TBX4: variants seen among roughly 807,000 people sequenced by gnomAD.
TBX4 encodes T-box transcription factor 4, also known as T-box transcription factor TBX4.
In TBX4, 13 loss-of-function variants were observed where a neutral mutation model predicts 54.6. That is an observed-to-expected ratio of 0.24 (90% CI 0.15 to 0.38). TBX4 has a LOEUF of 0.38. Among genes scored for constraint, TBX4 ranks in the 10% least tolerant of loss-of-function variants. TBX4 has a pLI of 1.00. For missense variants in TBX4, 631 were observed against 728.5 expected, an observed-to-expected ratio of 0.87 and a Z score of 1.54; for synonymous variants, 314 against 306.7, an observed-to-expected ratio of 1.02 and a Z score of -0.25.
chr17:61,456,797 A>G (rs1297150437), intron 2 of TBX4, 121 bp downstream of exon 2: 9 of 761,758 alleles, frequency 1.2e-5, no homozygotes, highest in Non-Finnish European at 1.6e-5. Flanking sequence ...GGCTGCATTC[A>G]GGACGGTCTG....
In TBX4 at chr17:61,483,918, G is replaced by A. The variant is rs1007657614; in HGVS notation, c.*402G>A. On this transcript the variant is annotated 3_prime_UTR_variant, in exon 9 of 9. Transcript: ENST00000644296. The surrounding 1 kb of genome is among the most constrained non-coding windows in gnomAD (Gnocchi z 6.6). ...CCCATGGGGAAAGATTCTCACTGCT[G>A]GGGTGGGAAGATTCTCGCTGCTGGG... 2 of 263,926 alleles carry A rather than the reference G, an allele frequency of 7.6e-6. No individual in the cohort carries two copies. The highest frequency in any genetic ancestry group is 1.5e-5 in the Non-Finnish European group (2 of 134,124). The allele number at this position is 263,926 out of a possible 1,614,324, so 16.3% of individuals were successfully genotyped here.
In TBX4 at chr17:61,479,689, T is replaced by C. The variant is rs1029770104; in HGVS notation, c.703-192T>C. ...GCCCCAGTTCTGCCTGTGCCTGGGG[T>C]TGGGGAGGAGGGAAGGCCAGAGGCC... On this transcript the variant is annotated intron_variant, in intron 6 of 8. Coordinates refer to ENST00000644296, the MANE Select transcript of TBX4 (RefSeq NM_001321120.2). The surrounding 1 kb of genome is among the most constrained non-coding windows in gnomAD (Gnocchi z 6.1). 2.7e-5 allele frequency among the ~76,000 whole-genome samples: 4 copies of C among 150,914 alleles called. No individual in the cohort carries two copies. The highest frequency in any genetic ancestry group is 4.9e-5 in the African/African-American group (2 of 40,966).
intron 5 of TBX4, among the ~76,000 whole-genome samples, chr17:61,468,121 T>G (rs1183249929): frequency 6.6e-6 from 1 of 152,226 alleles, no homozygotes; most frequent in African/African-American, 2.4e-5. Flanking sequence ...CACGGATATG[T>G]TCCAAAGCCC....
intron 1 of TBX4, 191 bp from the exon 2 acceptor site, chr17:61,456,297 C>A (rs2060448360): frequency 7.2e-6 from 5 of 691,786 alleles, no homozygotes; most frequent in Non-Finnish European, 1.3e-5. Flanking sequence ...AGGTCCACAG[C>A]CTGAAGGGAG....
intron 3 of TBX4, among the ~76,000 whole-genome samples, chr17:61,463,804 G>A (rs1306763490): frequency 6.6e-6 from 1 of 152,236 alleles, no homozygotes; most frequent in Non-Finnish European, 1.5e-5. Context: ...TTTTGTGGCT[G>A]TTTCTGTGGC....
intron 1 of TBX4, among the ~76,000 whole-genome samples, chr17:61,455,274 C>T (rs982600918): frequency 1.3e-5 from 2 of 152,190 alleles, no homozygotes; most frequent in African/African-American, 4.8e-5. Context: ...GAGGCCTGAG[C>T]CCGGGGATGC....
rs2060479934 is a variant in TBX4 at position 61,459,551 on chromosome 17, T to C, written c.281+1920T>C. On this transcript the variant is annotated intron_variant, in intron 3 of 8. Coordinates refer to ENST00000644296, the MANE Select transcript of TBX4 (RefSeq NM_001321120.2). The surrounding 1 kb of genome is among the most constrained non-coding windows in gnomAD (Gnocchi z 4.8). ...TTGGCATTTTAAACAAAGGGCATTTTTGTTTGTTTGTTTTCCTCAGTAGTG... is the reference window on the plus strand; with the variant it reads ...TTGGCATTTTAAACAAAGGGCATTTCTGTTTGTTTGTTTTCCTCAGTAGTG... Among the ~76,000 whole-genome samples the C allele has an allele frequency of 6.6e-6, 1 of 152,188 alleles. No individual in the cohort carries two copies. Among genetic ancestry groups the C allele is most frequent in the Non-Finnish European group, 1.5e-5 (1 of 68,038 alleles).
intron 5 of TBX4, among the ~76,000 whole-genome samples, chr17:61,468,138 G>A (rs1369584003): frequency 2.0e-5 from 3 of 152,194 alleles, no homozygotes; most frequent in Non-Finnish European, 2.9e-5. Context: ...GCCCCTCTTT[G>A]GTGTGTACCG....
At position 61,483,589 on chromosome 17, in the gene TBX4, CCA is replaced by C. The variant is rs2060682279; in HGVS notation, c.*74_*75del. 3.8e-6 allele frequency: 6 copies of C among 1,572,950 alleles called. No homozygotes were observed. The highest frequency in any genetic ancestry group is 5.2e-6 in the Non-Finnish European group (6 of 1,150,206). ...ACCTCTGTGGGTGGCCTGCACTCTA[CCA>C]AGAAACACAGGAAGGTATTCCAGTG... On this transcript the variant is annotated 3_prime_UTR_variant, in exon 9 of 9. Transcript: ENST00000644296. This position sits in a 1 kb window ranked among gnomAD's most constrained non-coding sequence, Gnocchi z 6.6.
rs2060689222 is a variant in TBX4, at chr17:61,484,529, T to C, written c.*1013T>C. On this transcript the variant is annotated 3_prime_UTR_variant, in exon 9 of 9. Transcript: ENST00000644296. The surrounding 1 kb of genome is among the most constrained non-coding windows in gnomAD (Gnocchi z 4.1). Reference sequence around the variant, plus strand: ...CTGGAGCGAGAAAGGCCAACAGAAATAAAGATAGTTGAAAAAAATTTGTTT... The same window carrying C: ...CTGGAGCGAGAAAGGCCAACAGAAACAAAGATAGTTGAAAAAAATTTGTTT... 1 of 151,934 alleles carries C rather than the reference T, an allele frequency of 6.6e-6. No individual in the cohort carries two copies. The highest frequency in any genetic ancestry group is 1.9e-4 in the East Asian group (1 of 5,184). 9.4% of individuals were successfully genotyped at this position (151,934 alleles called of 1,614,324 possible).
rs770780902 is a variant in TBX4 at position 61,460,989 on chromosome 17, A to T, written c.281+3358A>T. Among the ~76,000 whole-genome samples the T allele has an allele frequency of 1.3e-5, 2 of 152,244 alleles. No individual in the cohort carries two copies. The highest frequency in any genetic ancestry group is 2.4e-5 in the African/African-American group (1 of 41,452). On this transcript the variant is annotated intron_variant, in intron 3 of 8. Transcript: ENST00000644296. The surrounding 1 kb of genome is among the most constrained non-coding windows in gnomAD (Gnocchi z 4.4). ...CGGCTTAATCCGGGGCTTCAAAGCC[A>T]ATTGCCCTCACTCTGTATACAGAGC...
At chr17:61,456,140 C>G (rs1245266094) in intron 1 of TBX4, among the ~76,000 whole-genome samples, 1 of 152,154 alleles carries the variant, frequency 6.6e-6, no homozygotes, top group African/African-American at 2.4e-5. Flanking sequence ...AAGGCCCAGG[C>G]CTCAGGCTCC....
chr17:61,467,984 G>A (rs1165569347), intron 5 of TBX4, among the ~76,000 whole-genome samples: 1 of 152,234 alleles, frequency 6.6e-6, no homozygotes, highest in Non-Finnish European at 1.5e-5. Context: ...CACTTTGCAC[G>A]TAGGAGGGGC....
chr17:61,477,395 G>A (rs1174489367), intron 5 of TBX4, among the ~76,000 whole-genome samples: 2 of 152,258 alleles, frequency 1.3e-5, no homozygotes, highest in African/African-American at 4.8e-5. Context: ...CGCCTCCAGG[G>A]CGCTTTGCTA....
chr17:61,467,980 G>A (rs1160030285), intron 5 of TBX4, among the ~76,000 whole-genome samples: 2 of 152,260 alleles, frequency 1.3e-5, no homozygotes, highest in East Asian at 3.8e-4. Context: ...GAAGCACTTT[G>A]CACGTAGGAG....
In TBX4 at chr17:61,484,460, C is replaced by G. The variant is rs2060688881; in HGVS notation, c.*944C>G. On this transcript the variant is annotated 3_prime_UTR_variant, in exon 9 of 9. Transcript: ENST00000644296. This position sits in a 1 kb window ranked among gnomAD's most constrained non-coding sequence, Gnocchi z 4.1. ...CAGGAGGCCACACTGGAGCTGATGT[C>G]TGGCATCTCCAGGGCCTGTTCTGCT... is the stretch of plus-strand genomic sequence containing the variant. 1 of 152,158 alleles carries G rather than the reference C, an allele frequency of 6.6e-6. No individual in the cohort carries two copies. The highest frequency in any genetic ancestry group is 1.5e-5 in the Non-Finnish European group (1 of 68,022). 9.4% of individuals were successfully genotyped at this position (152,158 alleles called of 1,614,324 possible). A position where few individuals can be genotyped will look rare whatever the true frequency, so the allele number is the denominator to read the frequency against.
chr17:61,463,074 G>C (rs923351793), intron 3 of TBX4: 1 of 152,294 alleles, frequency 6.6e-6, no homozygotes, highest in Non-Finnish European at 1.5e-5. Context: ...CCCAACGCTG[G>C]GTGGACCCTT....
rs1002324221 is a variant in TBX4, at chr17:61,474,101, T to C, written c.550-4526T>C. 6.6e-6 allele frequency among the ~76,000 whole-genome samples: 1 copy of C among 152,194 alleles called. No individual in the cohort carries two copies. The highest frequency in any genetic ancestry group is 2.4e-5 in the African/African-American group (1 of 41,446). On this transcript the variant is annotated intron_variant, in intron 5 of 8. Coordinates refer to ENST00000644296, the MANE Select transcript of TBX4 (RefSeq NM_001321120.2). The surrounding 1 kb of genome is among the most constrained non-coding windows in gnomAD (Gnocchi z 4.6). ...TTAAGCTGAGATCCTGTCACTGTCCTAACCTCTTTGTAGGGCTGGGGAGGA... is the reference window on the plus strand; with the variant it reads ...TTAAGCTGAGATCCTGTCACTGTCCCAACCTCTTTGTAGGGCTGGGGAGGA...
chr17:61,465,728 C>G lies in TBX4; in HGVS notation c.282-91C>G, dbSNP rs1603250947. The stretch of plus-strand genomic sequence containing the variant: ...GGATCGCTGGCCAAAAGGGCAGCAT[C>G]TGTTAGCGGCCTTCTGCCCCCTTGC... On this transcript the variant is annotated intron_variant, in intron 3 of 8. Coordinates refer to ENST00000644296, the MANE Select transcript of TBX4 (RefSeq NM_001321120.2). The surrounding 1 kb of genome is among the most constrained non-coding windows in gnomAD (Gnocchi z 4.9). The G allele has an allele frequency of 1.3e-6, 2 of 1,552,040 alleles. No individual in the cohort carries two copies. Among genetic ancestry groups the G allele is most frequent in the Middle Eastern group, 1.7e-4 (1 of 5,810 alleles).
Sources: allele counts gnomAD v4.1 joint callset (sites outside exome capture counted in the v4.1 genomes callset), GRCh38; gene constraint gnomAD v4.1.1; non-coding constraint Gnocchi (gnomAD v3.1); transcripts MANE v1.5; gene names NCBI Gene and HGNC (gene_info 2026-07-23, HGNC 2026-07-21).